Variants in LITAF observed in about 807,000 individuals in gnomAD.
LITAF encodes the protein lipopolysaccharide induced TNF factor.
LITAF carries 9 observed loss-of-function variants against 14.5 expected under a neutral mutation model. The observed-to-expected ratio is 0.62, with a 90% CI of 0.37 to 1.08. The LOEUF is 1.08. Among genes scored for constraint, LITAF ranks in the 50% least tolerant of loss-of-function variants. LITAF has a pLI of 0.01. For missense variants in LITAF, 206 were observed against 213.4 expected, an observed-to-expected ratio of 0.97 and a Z score of 0.22; for synonymous variants, 98 against 88.2, an observed-to-expected ratio of 1.11 and a Z score of -0.62.
chr16:11,566,561 C>T (rs1597342751), intron 1 of LITAF, among the ~76,000 whole-genome samples: 1 of 152,186 alleles, frequency 6.6e-6, no homozygotes, highest in East Asian at 1.9e-4. Flanking sequence ...CCTAGAAGTT[C>T]GAGACCGGCC....
upstream of LITAF, among the ~76,000 whole-genome samples, chr16:11,589,390 C>T (rs971353821): frequency 9.2e-5 from 14 of 152,162 alleles, no homozygotes; most frequent in African/African-American, 3.4e-4. Flanking sequence ...GCCAAAGTGC[C>T]CACTCTGGCC....
At chr16:11,570,853 G>A (rs1014962610) in intron 1 of LITAF, among the ~76,000 whole-genome samples, 2 of 152,048 alleles carry the variant, frequency 1.3e-5, no homozygotes, top group Admixed American at 6.6e-5. Flanking sequence ...AGGGGGTTGA[G>A]GCTGCAGTGA....
chr16:11,580,470 C>A (rs1360112580), intron 1 of LITAF, among the ~76,000 whole-genome samples: 5 of 152,150 alleles, frequency 3.3e-5, no homozygotes, highest in Admixed American at 3.3e-4. Flanking sequence ...GTTGGCCAGG[C>A]TGTTCTTGAA....
chr16:11,617,265 A>G (rs1444953653), intron 3 of LITAF, among the ~76,000 whole-genome samples: 1 of 152,028 alleles, frequency 6.6e-6, no homozygotes, highest in Non-Finnish European at 1.5e-5. Context: ...GCACATTGCT[A>G]AAATCCATCA....
upstream of LITAF, among the ~76,000 whole-genome samples, chr16:11,637,870 G>C (rs1326679752): frequency 8.8e-6 from 1 of 114,104 alleles, no homozygotes; most frequent in Non-Finnish European, 1.7e-5. Context: ...GACAGAGTGA[G>C]AACCTTCCTC....
intron 1 of LITAF, among the ~76,000 whole-genome samples, chr16:11,565,349 C>CT (rs1445985462): frequency 6.7e-6 from 1 of 149,438 alleles, no homozygotes; most frequent in Non-Finnish European, 1.5e-5. Flanking sequence ...GCCCAAAGTG[C>CT]TGGGATTACA....
At chr16:11,569,374 G>A (rs1386685287) in intron 1 of LITAF, among the ~76,000 whole-genome samples, 1 of 152,092 alleles carries the variant, frequency 6.6e-6, no homozygotes, top group Non-Finnish European at 1.5e-5. Flanking sequence ...CCAAGTACCT[G>A]GGATTACAGG....
chr16:11,609,348 G>T (rs1030405915), intron 3 of LITAF, among the ~76,000 whole-genome samples: 1 of 151,824 alleles, frequency 6.6e-6, no homozygotes, highest in African/African-American at 2.4e-5. Flanking sequence ...AGTAGCTGGG[G>T]TTACAGGCGC....
At chr16:11,638,701 C>CAAAAAAAAAAAAAAAAAAAAAAAAAA (rs57170972), upstream of LITAF, among the ~76,000 whole-genome samples, 1 of 75,950 alleles carries the variant, frequency 1.3e-5, no homozygotes, top group Non-Finnish European at 3.2e-5. Context: ...GACTCTGTCT[C>CAAAAAAAAAAAAAAAAAAAAAAAAAA]AAAAAAAAAA....
intron 1 of LITAF, 89 bp from the exon 2 acceptor site, chr16:11,556,824 A>C: frequency 8.6e-7 from 1 of 1,167,540 alleles, no homozygotes; most frequent in East Asian, 2.5e-5. Flanking sequence ...CTTTCTGGCA[A>C]ACAGAAATTC....
In LITAF at chr16:11,553,202, T is replaced by C. The variant is rs2064208155; in HGVS notation, c.377+331A>G. ...GGGAGGCCAAGGTGGGCAGATCACC[T>C]GAGGTCAGGAGTTTGAGACCAGCCT... On this transcript the variant is annotated intron_variant, in intron 3 of 3. Coordinates refer to ENST00000622633, the MANE Select transcript of LITAF (RefSeq NM_001136472.2). The surrounding 1 kb of genome is among the most constrained non-coding windows in gnomAD (Gnocchi z 7.7). Among the ~76,000 whole-genome samples, 1 of 152,006 alleles carries C rather than the reference T, an allele frequency of 6.6e-6. No homozygotes were observed. Among genetic ancestry groups the C allele is most frequent in the Admixed American group, 6.6e-5 (1 of 15,244 alleles).
rs117199427 is a variant in LITAF, at chr16:11,578,196, G to A, written c.-6+8690C>T. ...TTATAGGCATGAGCCATGGCACCTC[G>A]TAGGAGGTGGAATTTAATCTCTCCC... On this transcript the variant is annotated intron_variant, in intron 1 of 3. Coordinates refer to ENST00000622633, the MANE Select transcript of LITAF (RefSeq NM_001136472.2). Among the ~76,000 whole-genome samples the A allele has an allele frequency of 3.2e-4, 48 of 152,254 alleles. 1 individual carries two copies. The East Asian group carries it at 8.5e-3, about 27-fold the overall frequency.
At chr16:11,564,527 G>C (rs1277689262) in intron 1 of LITAF, among the ~76,000 whole-genome samples, 2 of 151,936 alleles carry the variant, frequency 1.3e-5, no homozygotes, top group Non-Finnish European at 2.9e-5. Flanking sequence ...AATCAAACCT[G>C]CAGGTCAAAA....
At chr16:11,579,376 G>C (rs113011148) in intron 1 of LITAF, among the ~76,000 whole-genome samples, 1 of 151,448 alleles carries the variant, frequency 6.6e-6, no homozygotes, top group African/African-American at 2.4e-5. Context: ...GCGTGAACCC[G>C]GGAGGCGGAG....
At chr16:11,633,684 A>G (rs1467728783) in intron 2 of LITAF, 1 of 152,216 alleles carries the variant, frequency 6.6e-6, no homozygotes, top group East Asian at 1.9e-4. Context: ...CCCCTCATTC[A>G]GCATATAGTC....
At chr16:11,638,096 CTA>C (rs3028603), upstream of LITAF, among the ~76,000 whole-genome samples, 5 of 64,442 alleles carry the variant, frequency 7.8e-5, no homozygotes, top group Admixed American at 4.5e-4. Flanking sequence ...ATCTATCTAT[CTA>C]TATATATATA....
At chr16:11,608,373 G>A (rs1208281176) in intron 3 of LITAF, among the ~76,000 whole-genome samples, 1 of 152,186 alleles carries the variant, frequency 6.6e-6, no homozygotes, top group Admixed American at 6.5e-5. Flanking sequence ...AAGGGGAGGG[G>A]AGTTCCCAGG....
At chr16:11,594,903 TAAAATAAAAATA>T (rs138536471) in intron 1 of LITAF, among the ~76,000 whole-genome samples, 4 of 148,920 alleles carry the variant, frequency 2.7e-5, no homozygotes, top group South Asian at 4.2e-4. Flanking sequence ...TAAAATAAAG[TAAAATAAAAATA>T]AAAATAAAAA....
chr16:11,622,469 G>A lies in LITAF; in HGVS notation c.85+11064C>T, dbSNP rs373698730. Among the ~76,000 whole-genome samples, 8 of 152,304 alleles carry A rather than the reference G, an allele frequency of 5.3e-5. No homozygotes were observed. In the East Asian group the frequency reaches 1.2e-3, roughly 22 times the overall value. On this transcript the variant is annotated intron_variant, in intron 3 of 3. Transcript: ENST00000574848. ...GGCAGCAATCACGGGAGAGCCACTT[G>A]CAGACCGCACACTTGTGAACTTCAT...
Sources: gnomAD v4.1 joint callset for allele counts (sites outside exome capture counted in the v4.1 genomes callset) on GRCh38, gnomAD v4.1.1 for gene constraint, Gnocchi (gnomAD v3.1) non-coding constraint, MANE v1.5 for transcripts, NCBI Gene and HGNC (gene_info 2026-07-23, HGNC 2026-07-21) for gene names.